SLC8A1: variants seen among roughly 807,000 people sequenced by gnomAD.
The protein encoded by SLC8A1 is sodium/calcium exchanger 1.
In SLC8A1, 18 loss-of-function variants were observed where a neutral mutation model predicts 68.3. The ratio of observed to expected loss-of-function variants is 0.26; its 90% CI spans 0.18 to 0.39. SLC8A1 has a LOEUF of 0.39. SLC8A1 is among the 10% of genes least tolerant of loss of function. The probability of loss-of-function intolerance (pLI) is 1.00; values close to 1 mark genes in which losing one functional copy is unlikely to be tolerated. For synonymous variants in SLC8A1, 475 were observed against 415.5 expected, an observed-to-expected ratio of 1.14 and a Z score of -1.74; for missense variants, 985 against 1,156.7, an observed-to-expected ratio of 0.85 and a Z score of 2.15.
Position 40,237,143 on chromosome 2 carries a change from C to T in SLC8A1, c.1809-59288G>A, listed in dbSNP as rs368864432. Among the ~76,000 whole-genome samples the T allele has an allele frequency of 4.6e-5, 7 of 152,002 alleles. No individual in the cohort carries two copies. The South Asian group carries it at 6.2e-4, about 14-fold the overall frequency. ...GTTCTCTGTATTTCCTGAATCTGAA[C>T]GTTGGCCTGCCTTGCTAGATTGGGG... On this transcript the variant is annotated intron_variant, in intron 2 of 7. Coordinates refer to ENST00000406785, the Ensembl canonical transcript of SLC8A1.
At chr2:40,435,145 T>C (rs1269106060) in intron 1 of SLC8A1, among the ~76,000 whole-genome samples, 1 of 152,188 alleles carries the variant, frequency 6.6e-6, no homozygotes, top group East Asian at 1.9e-4. Flanking sequence ...AAGGAACTCC[T>C]TGATGGCCTT....
At chr2:40,352,970 C>T (rs1193918259) in intron 2 of SLC8A1, among the ~76,000 whole-genome samples, 2 of 152,116 alleles carry the variant, frequency 1.3e-5, no homozygotes, top group Non-Finnish European at 2.9e-5. Context: ...CAGGGCATAA[C>T]TCTCACTTAC....
chr2:40,276,780 ATTC>A (rs1253413672), intron 2 of SLC8A1, among the ~76,000 whole-genome samples: 3 of 152,218 alleles, frequency 2.0e-5, no homozygotes, highest in African/African-American at 7.2e-5. Flanking sequence ...GGTTGCAAGA[ATTC>A]TTTATTTCTC....
At chr2:40,276,929 G>A (rs2066772857) in intron 2 of SLC8A1, among the ~76,000 whole-genome samples, 1 of 152,160 alleles carries the variant, frequency 6.6e-6, no homozygotes, top group African/African-American at 2.4e-5. Flanking sequence ...GTTCAACTTA[G>A]AAAGGCTTGA....
chr2:40,195,465 C>G (rs2052786677), intron 2 of SLC8A1, among the ~76,000 whole-genome samples: 1 of 151,766 alleles, frequency 6.6e-6, no homozygotes, highest in Admixed American at 6.6e-5. Context: ...TTGTGGAGAA[C>G]TGGAGGAAAG....
intron 1 of SLC8A1, among the ~76,000 whole-genome samples, chr2:40,476,065 A>C (rs976556739): frequency 1.3e-5 from 2 of 152,226 alleles, no homozygotes; most frequent in Admixed American, 6.5e-5. Flanking sequence ...GACAAATAGC[A>C]TCATTTTTCA....
intron 1 of SLC8A1, among the ~76,000 whole-genome samples, chr2:40,498,618 G>A (rs990139930): frequency 6.6e-6 from 1 of 152,050 alleles, no homozygotes; most frequent in African/African-American, 2.4e-5. Context: ...ACAATTTAAT[G>A]TAATCCTTCC....
exon 2 of SLC8A1, chr2:40,428,476 A>G: frequency 6.3e-7 from 1 of 1,583,810 alleles, no homozygotes; most frequent in Non-Finnish European, 8.6e-7. Context: ...AACTTACACA[A>G]TTTCATCATT....
chr2:40,407,477 A>T (rs965080978), intron 2 of SLC8A1, among the ~76,000 whole-genome samples: 1 of 152,070 alleles, frequency 6.6e-6, no homozygotes, highest in Non-Finnish European at 1.5e-5. Flanking sequence ...TTTTATTGGT[A>T]GTTTTCTGTC....
intron 2 of SLC8A1, among the ~76,000 whole-genome samples, chr2:40,405,960 G>T (rs1302350372): frequency 6.6e-6 from 1 of 152,170 alleles, no homozygotes; most frequent in African/African-American, 2.4e-5. Flanking sequence ...AATCTTCAAA[G>T]ACTACTATAA....
chr2:40,463,450 G>C (rs1032939492), intron 1 of SLC8A1, among the ~76,000 whole-genome samples: 1 of 152,068 alleles, frequency 6.6e-6, no homozygotes, highest in Admixed American at 6.5e-5. Flanking sequence ...CTAAAGAATC[G>C]CCTTAGTTCC....
chr2:40,323,655 T>A (rs752396216), intron 2 of SLC8A1, among the ~76,000 whole-genome samples: 7 of 152,020 alleles, frequency 4.6e-5, no homozygotes, highest in Non-Finnish European at 8.8e-5. Flanking sequence ...CAGCTGCAAC[T>A]CAATGATTAT....
chr2:40,149,182 A>G (rs2042978245), intron 6 of SLC8A1, among the ~76,000 whole-genome samples: 1 of 152,196 alleles, frequency 6.6e-6, no homozygotes, highest in Admixed American at 6.5e-5. Flanking sequence ...CCTCTAGGAA[A>G]TCTTCAAAGG....
At chr2:40,512,078 A>T (rs1706769323) in intron 1 of SLC8A1, among the ~76,000 whole-genome samples, 1 of 152,156 alleles carries the variant, frequency 6.6e-6, no homozygotes, top group South Asian at 2.1e-4. Context: ...TATCCACAAA[A>T]TTCCAAATGG....
chr2:40,476,947 C>T (rs1704329195), intron 1 of SLC8A1, among the ~76,000 whole-genome samples: 1 of 152,046 alleles, frequency 6.6e-6, no homozygotes, highest in African/African-American at 2.4e-5. Context: ...ATTTTTGAAG[C>T]AGTGAGTGAA....
At chr2:40,134,882 A>G (rs2040184991) in intron 7 of SLC8A1, among the ~76,000 whole-genome samples, 1 of 152,232 alleles carries the variant, frequency 6.6e-6, no homozygotes, top group Non-Finnish European at 1.5e-5. Context: ...AAATAAGTAA[A>G]CTAAAAAAAT....
At chr2:40,447,822 A>G (rs979883575) in intron 1 of SLC8A1, among the ~76,000 whole-genome samples, 4 of 152,202 alleles carry the variant, frequency 2.6e-5, no homozygotes, top group Admixed American at 2.0e-4. Flanking sequence ...GCTGCCTGCA[A>G]TGCACTTGCC....
chr2:40,343,353 G>C (rs1668294373), intron 2 of SLC8A1, among the ~76,000 whole-genome samples: 1 of 152,136 alleles, frequency 6.6e-6, no homozygotes, highest in Non-Finnish European at 1.5e-5. Context: ...CAAGTTGTCA[G>C]TAACTCTTTG....
intron 2 of SLC8A1, among the ~76,000 whole-genome samples, chr2:40,370,265 G>A (rs972003176): frequency 1.3e-5 from 2 of 152,124 alleles, no homozygotes; most frequent in African/African-American, 4.8e-5. Context: ...TGAGTTCTGA[G>A]AGCTCAGACA....
Sources: allele counts gnomAD v4.1 joint callset (sites outside exome capture counted in the v4.1 genomes callset), GRCh38; gene constraint gnomAD v4.1.1; transcripts MANE v1.5; gene names NCBI Gene and HGNC (gene_info 2026-07-23, HGNC 2026-07-21).